TAFA2: variants seen among roughly 807,000 people sequenced by gnomAD.
TAFA2 encodes the protein TAFA chemokine like family member 2, also known as chemokine-like protein TAFA-2.
In TAFA2, 7 loss-of-function variants were observed where a neutral mutation model predicts 18.8. That is an observed-to-expected ratio of 0.37 (90% CI 0.21 to 0.70). TAFA2 has a LOEUF of 0.70. Among genes scored for constraint, TAFA2 ranks in the 30% least tolerant of loss-of-function variants. TAFA2 has a pLI of 0.53. For missense variants in TAFA2, 122 were observed against 158.1 expected, an observed-to-expected ratio of 0.77 and a Z score of 1.23; for synonymous variants, 60 against 54.2, an observed-to-expected ratio of 1.11 and a Z score of -0.47.
chr12:62,044,228 G>A (rs956669452), intron 1 of TAFA2, among the ~76,000 whole-genome samples: 6 of 151,960 alleles, frequency 3.9e-5, no homozygotes, highest in Admixed American at 2.6e-4. Context: ...CCTATTGTTT[G>A]AATTGCCGAA....
rs372142031 is a variant in TAFA2 at position 62,131,393 on chromosome 12, G to T, written c.-2+59866C>A. On this transcript the variant is annotated intron_variant, in intron 1 of 4. Transcript: ENST00000416284. Reference sequence around the variant, plus strand: ...TTAAGGGCTGGATGCCGGGGCAGCGGGTTGCTATGTATAATCAATTATTTT... The same window carrying T: ...TTAAGGGCTGGATGCCGGGGCAGCGTGTTGCTATGTATAATCAATTATTTT... 2.0e-5 allele frequency among the ~76,000 whole-genome samples: 3 copies of T among 151,992 alleles called. No individual in the cohort carries two copies. In the East Asian group the frequency reaches 5.8e-4, roughly 29 times the overall value.
At chr12:61,900,640 G>C (rs1876057986) in intron 1 of TAFA2, among the ~76,000 whole-genome samples, 1 of 152,110 alleles carries the variant, frequency 6.6e-6, no homozygotes, top group Non-Finnish European at 1.5e-5. Flanking sequence ...TGACTATCAT[G>C]AGAACAGCAT....
intron 2 of TAFA2, among the ~76,000 whole-genome samples, chr12:61,824,593 T>C (rs1872464516): frequency 6.6e-6 from 1 of 152,168 alleles, no homozygotes; most frequent in South Asian, 2.1e-4. Flanking sequence ...TGTCTCAGAA[T>C]ACTGAAATAA....
At chr12:61,720,757 C>T in intron 4 of TAFA2, 2 of 381,148 alleles carry the variant, frequency 5.2e-6, no homozygotes, top group South Asian at 4.0e-5. Flanking sequence ...AATGAAACTT[C>T]TGTCCCTTCC....
intron 2 of TAFA2, among the ~76,000 whole-genome samples, chr12:61,812,286 C>T (rs558802827): frequency 6.6e-6 from 1 of 151,710 alleles, no homozygotes; most frequent in Non-Finnish European, 1.5e-5. Context: ...ATCCCTTAAA[C>T]TCTGGGAATG....
intron 1 of TAFA2, chr12:62,252,914 C>T (rs1015316900): frequency 3.3e-5 from 5 of 152,178 alleles, no homozygotes; most frequent in African/African-American, 1.2e-4. Context: ...AAAGGAAAAT[C>T]CATACCTGAA....
intron 2 of TAFA2, among the ~76,000 whole-genome samples, chr12:61,799,268 C>T (rs1476545525): frequency 6.6e-6 from 1 of 152,120 alleles, no homozygotes; most frequent in African/African-American, 2.4e-5. Context: ...TTATAGTTCA[C>T]TTCTTAGCAG....
intron 2 of TAFA2, among the ~76,000 whole-genome samples, chr12:61,777,141 C>T (rs149889349): frequency 2.2e-3 from 337 of 151,948 alleles, no homozygotes; most frequent in African/African-American, 7.2e-3. Context: ...TGGCCAACAT[C>T]CAGCAAAACC....
At chr12:61,949,823 C>T (rs1878404502) in intron 1 of TAFA2, among the ~76,000 whole-genome samples, 1 of 152,142 alleles carries the variant, frequency 6.6e-6, no homozygotes, top group Non-Finnish European at 1.5e-5. Flanking sequence ...GTGTACAATT[C>T]AGTTGTGTTA....
At chr12:62,254,003 C>G (rs901227195) in intron 1 of TAFA2, among the ~76,000 whole-genome samples, 1 of 152,164 alleles carries the variant, frequency 6.6e-6, no homozygotes, top group African/African-American at 2.4e-5. Context: ...ATTGTTTTAT[C>G]CCTAAGAATA....
intron 4 of TAFA2, among the ~76,000 whole-genome samples, chr12:61,750,417 G>A (rs1868956293): frequency 6.6e-6 from 1 of 152,004 alleles, no homozygotes; most frequent in Non-Finnish European, 1.5e-5. Flanking sequence ...TGAAGAACAG[G>A]TATGCAACAA....
chr12:61,748,677 A>G (rs1488168536), intron 4 of TAFA2, among the ~76,000 whole-genome samples: 1 of 152,174 alleles, frequency 6.6e-6, no homozygotes. Context: ...TTAATCAGCA[A>G]AGCATCACAA....
chr12:61,713,560 C>G (rs543488377), intron 4 of TAFA2, among the ~76,000 whole-genome samples: 1 of 152,214 alleles, frequency 6.6e-6, no homozygotes, highest in Admixed American at 6.6e-5. Flanking sequence ...CCAGCACCCT[C>G]CCTGACAACC....
intron 1 of TAFA2, among the ~76,000 whole-genome samples, chr12:62,079,219 T>C (rs1190317817): frequency 6.6e-6 from 1 of 152,120 alleles, no homozygotes; most frequent in Non-Finnish European, 1.5e-5. Context: ...CCTAGGGAAA[T>C]TGTTGGTCCC....
chr12:61,896,497 A>G (rs1213952277), intron 1 of TAFA2, among the ~76,000 whole-genome samples: 1 of 152,206 alleles, frequency 6.6e-6, no homozygotes, highest in East Asian at 1.9e-4. Flanking sequence ...TCATGTTCAC[A>G]TCATTGTTCC....
chr12:62,070,107 T>C (rs1260278869), intron 1 of TAFA2, among the ~76,000 whole-genome samples: 1 of 152,180 alleles, frequency 6.6e-6, no homozygotes, highest in Non-Finnish European at 1.5e-5. Context: ...CTTTAAGATA[T>C]TTGTTTCTTG....
In TAFA2 at chr12:62,072,013, C is replaced by T. The variant is rs138008858; in HGVS notation, c.-2+119246G>A. On this transcript the variant is annotated intron_variant, in intron 1 of 4. Coordinates refer to ENST00000416284, the MANE Select transcript of TAFA2 (RefSeq NM_178539.5). ...ATAAGCAAGGCAACTAAACTTCTTA[C>T]ATTACATTTCAGGTACTATTTTTTC... 2.4e-3 allele frequency among the ~76,000 whole-genome samples: 373 copies of T among 152,284 alleles called. 1 individual carries two copies. Among genetic ancestry groups the T allele is most frequent in the African/African-American group, 8.1e-3 (338 of 41,558 alleles).
At chr12:62,233,942 T>C (rs879859815) in intron 1 of TAFA2, among the ~76,000 whole-genome samples, 3 of 152,142 alleles carry the variant, frequency 2.0e-5, no homozygotes, top group Non-Finnish European at 4.4e-5. Flanking sequence ...TGTGGGCTTC[T>C]CTAGAGGCCC....
At chr12:62,060,844 A>G (rs1031870929) in intron 1 of TAFA2, among the ~76,000 whole-genome samples, 1 of 152,160 alleles carries the variant, frequency 6.6e-6, no homozygotes, top group Non-Finnish European at 1.5e-5. Context: ...AATTTTAAAA[A>G]TAGAAAAAAG....
Sources: allele counts gnomAD v4.1 joint callset (sites outside exome capture counted in the v4.1 genomes callset), GRCh38; gene constraint gnomAD v4.1.1; transcripts MANE v1.5; gene names NCBI Gene and HGNC (gene_info 2026-07-23, HGNC 2026-07-21).